The following NLK variants were observed in gnomAD, a reference collection of about 807,000 sequenced individuals.
NLK encodes the protein serine/threonine-protein kinase NLK.
Under a neutral mutation model 59.0 loss-of-function variants are expected in NLK, and 11 were observed. The ratio of observed to expected loss-of-function variants is 0.19; its 90% CI spans 0.12 to 0.31. The LOEUF (loss-of-function observed/expected upper bound fraction) is 0.31. Ranked by LOEUF, NLK falls within the 10% of genes least tolerant of loss-of-function variation. NLK has a pLI of 1.00. For missense variants in NLK, 410 were observed against 661.1 expected, an observed-to-expected ratio of 0.62 and a Z score of 4.16; for synonymous variants, 235 against 235.9, an observed-to-expected ratio of 1.00 and a Z score of 0.03.
intron 1 of NLK, among the ~76,000 whole-genome samples, chr17:28,088,216 A>T (rs1461541185): frequency 7.2e-5 from 11 of 152,190 alleles, no homozygotes; most frequent in Admixed American, 7.2e-4. Context: ...ATGGGTGGCT[A>T]TGACTACTTC....
intron 1 of NLK, among the ~76,000 whole-genome samples, chr17:28,059,484 T>G (rs147375762): frequency 1.8e-3 from 273 of 152,282 alleles, no homozygotes; most frequent in African/African-American, 6.2e-3. Context: ...AGTACTGTGA[T>G]CTATGTTAGA....
chr17:28,090,173 C>T (rs951724319), intron 1 of NLK, among the ~76,000 whole-genome samples: 3 of 152,132 alleles, frequency 2.0e-5, no homozygotes, highest in African/African-American at 7.2e-5. Flanking sequence ...TTTAACCTAT[C>T]ACAGTATACC....
chr17:28,181,495 G>A (rs1376038932), intron 7 of NLK, among the ~76,000 whole-genome samples: 1 of 151,902 alleles, frequency 6.6e-6, no homozygotes, highest in African/African-American at 2.4e-5. Flanking sequence ...CTTGAGGCTG[G>A]GAGTTCAAGG....
intron 1 of NLK, among the ~76,000 whole-genome samples, chr17:28,076,741 A>C (rs1910171146): frequency 6.6e-6 from 1 of 152,158 alleles, no homozygotes; most frequent in Non-Finnish European, 1.5e-5. Flanking sequence ...ATGGTTTATA[A>C]AACAGTGAAA....
At chr17:28,124,156 A>AT (rs1285639153) in intron 2 of NLK, among the ~76,000 whole-genome samples, 8 of 152,054 alleles carry the variant, frequency 5.3e-5, no homozygotes, top group Admixed American at 3.3e-4. Flanking sequence ...TCTTGCCTTA[A>AT]TTTTTTTAAA....
At chr17:28,084,460 T>G (rs1364123728) in intron 1 of NLK, among the ~76,000 whole-genome samples, 1 of 152,128 alleles carries the variant, frequency 6.6e-6, no homozygotes, top group Non-Finnish European at 1.5e-5. Flanking sequence ...CCCAGCCTCC[T>G]AAGTGCCAAT....
intron 8 of NLK, among the ~76,000 whole-genome samples, chr17:28,186,257 A>G (rs1302415293): frequency 1.3e-5 from 2 of 152,360 alleles, no homozygotes; most frequent in East Asian, 3.9e-4. Context: ...ACAAAGCTTC[A>G]GACATCAGCA....
chr17:28,087,530 T>C (rs1910555602), intron 1 of NLK, among the ~76,000 whole-genome samples: 1 of 152,174 alleles, frequency 6.6e-6, no homozygotes. Flanking sequence ...ATATTTCAGC[T>C]AATGGAAATA....
chr17:28,189,220 G>A (rs1335746542), intron 8 of NLK, among the ~76,000 whole-genome samples: 2 of 152,032 alleles, frequency 1.3e-5, no homozygotes, highest in African/African-American at 2.4e-5. Context: ...GCCCACAAAG[G>A]GTAATAAAAT....
At chr17:28,119,339 A>C (rs1334304060) in intron 1 of NLK, among the ~76,000 whole-genome samples, 1 of 152,204 alleles carries the variant, frequency 6.6e-6, no homozygotes, top group Non-Finnish European at 1.5e-5. Flanking sequence ...TGGCTTTTGC[A>C]TGAATAATAA....
At chr17:28,082,886 T>G (rs1910395215) in intron 1 of NLK, among the ~76,000 whole-genome samples, 1 of 152,204 alleles carries the variant, frequency 6.6e-6, no homozygotes, top group Admixed American at 6.5e-5. Context: ...TAGGAGGAAA[T>G]TTTTAGCCTT....
chr17:28,138,753 A>T (rs1429209295), intron 3 of NLK, among the ~76,000 whole-genome samples: 1 of 152,258 alleles, frequency 6.6e-6, no homozygotes, highest in Non-Finnish European at 1.5e-5. Context: ...TTGCATAAAC[A>T]TAAGCATCAA....
At chr17:28,135,574 G>C (rs1906709903) in intron 3 of NLK, among the ~76,000 whole-genome samples, 1 of 152,250 alleles carries the variant, frequency 6.6e-6, no homozygotes, top group East Asian at 1.9e-4. Context: ...TTTCCTAGAA[G>C]TCAGGGGCCA....
intron 1 of NLK, among the ~76,000 whole-genome samples, chr17:28,097,755 A>G (rs542431333): frequency 1.3e-5 from 2 of 152,300 alleles, no homozygotes; most frequent in African/African-American, 4.8e-5. Context: ...TTCAATTAAG[A>G]TGATTGACTC....
intron 1 of NLK, among the ~76,000 whole-genome samples, chr17:28,099,829 C>T (rs1172491274): frequency 2.0e-5 from 3 of 151,938 alleles, no homozygotes; most frequent in Non-Finnish European, 4.4e-5. Flanking sequence ...CCACCCGCCT[C>T]GGCCTCCCAA....
chr17:28,178,568 T>A (rs1212637126), intron 7 of NLK, among the ~76,000 whole-genome samples: 1 of 152,234 alleles, frequency 6.6e-6, no homozygotes, highest in Non-Finnish European at 1.5e-5. Context: ...GTCCTCTTGT[T>A]CTTCTCTTAT....
rs1419135230 is a variant in NLK at position 28,192,124 on chromosome 17, T to G, written c.1440T>G (p.Ile480Met). Residue 480 changes from isoleucine to methionine, a missense_variant, in exon 10 of 11, where the codon ATT becomes ATG. Transcript: ENST00000407008. ...NLSSVRQVKE[I>M]IHQFILEQQK... is the part of the protein sequence containing the mutation. ...TGATGTTTGTTTTCTCCACAGAAAT[T>G]ATTCATCAGTTCATTTTGGAACAGC... 25 of 1,591,466 alleles carry G rather than the reference T, an allele frequency of 1.6e-5. No individual in the cohort carries two copies. Among genetic ancestry groups the G allele is most frequent in the Non-Finnish European group, 2.2e-5 (25 of 1,162,560 alleles).
intron 7 of NLK, among the ~76,000 whole-genome samples, chr17:28,179,901 T>C (rs950937186): frequency 4.7e-5 from 7 of 149,786 alleles, no homozygotes; most frequent in African/African-American, 1.2e-4. Flanking sequence ...TTTTTTTGCT[T>C]ATTCAGATTG....
chr17:28,071,732 A>G (rs2142757455), intron 1 of NLK, among the ~76,000 whole-genome samples: 1 of 152,266 alleles, frequency 6.6e-6, no homozygotes, highest in Non-Finnish European at 1.5e-5. Context: ...GCTGTATCCT[A>G]CGTGAAGGCT....
Sources: allele counts gnomAD v4.1 joint callset (sites outside exome capture counted in the v4.1 genomes callset), GRCh38; gene constraint gnomAD v4.1.1; transcripts MANE v1.5; gene names NCBI Gene and HGNC (gene_info 2026-07-23, HGNC 2026-07-21).